MACF1: variants seen among roughly 807,000 people sequenced by gnomAD.
MACF1 encodes microtubule-actin cross-linking factor 1.
In MACF1, 193 loss-of-function variants were observed where a neutral mutation model predicts 854.8. The ratio of observed to expected loss-of-function variants is 0.23; its 90% CI spans 0.20 to 0.25. The LOEUF (loss-of-function observed/expected upper bound fraction) is 0.25. MACF1 is among the 10% of genes least tolerant of loss of function. The probability of loss-of-function intolerance (pLI) is 1.00; values close to 1 mark genes in which losing one functional copy is unlikely to be tolerated. For synonymous variants in MACF1, 3,185 were observed against 3,226.7 expected (o/e 0.99, Z 0.44); for missense variants, 7,722 against 8,929.1 (o/e 0.86, Z 5.45).
intron 44 of MACF1, among the ~76,000 whole-genome samples, chr1:39,356,685 T>C (rs1647604741): frequency 2.0e-5 from 3 of 152,244 alleles, no homozygotes; most frequent in South Asian, 4.1e-4. Context: ...TTACAATTTT[T>C]ATATTGTCAC....
chr1:39,391,368 T>G (rs997296655), intron 58 of MACF1, among the ~76,000 whole-genome samples: 2 of 152,216 alleles, frequency 1.3e-5, no homozygotes, highest in African/African-American at 4.8e-5. Flanking sequence ...ATTGAAGTTA[T>G]TGTTTAGGGC....
At chr1:39,452,424 C>T (rs1485699199) in intron 86 of MACF1, 74 bp downstream of exon 86, 4 of 1,420,950 alleles carry the variant, frequency 2.8e-6, no homozygotes, top group Admixed American at 2.2e-5. Flanking sequence ...TTACTAGAAT[C>T]TGTTCCAGTC....
At position 39,317,476 on chromosome 1, in the gene MACF1, A is replaced by G. The variant is rs1310853316; in HGVS notation, c.3782+69A>G. The G allele has an allele frequency of 2.0e-6, 3 of 1,474,716 alleles. No homozygotes were observed. In the African/African-American group the frequency reaches 4.2e-5, roughly 21 times the overall value. The allele number at this position is 1,474,716 out of a possible 1,614,324, so 91.4% of individuals were successfully genotyped here. ...CTAGGTCTTAAACAAAAACAGAGTTATATCTGTACATTTATATTTAAAGGT... is the reference window on the plus strand; with the variant it reads ...CTAGGTCTTAAACAAAAACAGAGTTGTATCTGTACATTTATATTTAAAGGT... On this transcript the variant is annotated intron_variant, in intron 29 of 100. Coordinates refer to ENST00000564288, the MANE Select transcript of MACF1 (RefSeq NM_001394062.1).
intron 2 of MACF1, among the ~76,000 whole-genome samples, chr1:39,099,218 C>T (rs260975): frequency 0.34 from 52,141 of 152,110 alleles, 9,898 homozygotes; most frequent in East Asian, 0.65. Context: ...TGCAATGGCA[C>T]GATCTAGGCT....
At chr1:39,447,309 A>G in intron 80 of MACF1, 123 bp from the exon 81 acceptor site, 1 of 890,798 alleles carries the variant, frequency 1.1e-6, no homozygotes, top group East Asian at 2.5e-5. Flanking sequence ...CGTTGATTAA[A>G]TGAGGCTTCC....
chr1:39,467,013 T>TC (rs1292239438), intron 95 of MACF1, among the ~76,000 whole-genome samples: 1 of 152,204 alleles, frequency 6.6e-6, no homozygotes, highest in Non-Finnish European at 1.5e-5. Flanking sequence ...ACCTCAGATA[T>TC]CCTTTCTTGC....
chr1:39,475,797 A>G (rs1276848847), intron 97 of MACF1, among the ~76,000 whole-genome samples: 1 of 152,102 alleles, frequency 6.6e-6, no homozygotes, highest in Admixed American at 6.5e-5. Flanking sequence ...CTACTAATAT[A>G]TTTGGAGTTG....
chr1:39,240,964 A>G (rs1644915514), intron 2 of MACF1, among the ~76,000 whole-genome samples: 1 of 152,032 alleles, frequency 6.6e-6, no homozygotes, highest in African/African-American at 2.4e-5. Flanking sequence ...CCCGCTCTCC[A>G]ACAGGGATTC....
At chr1:39,445,212 C>T (rs997016658) in intron 80 of MACF1, among the ~76,000 whole-genome samples, 3 of 152,096 alleles carry the variant, frequency 2.0e-5, no homozygotes, top group Non-Finnish European at 2.9e-5. Flanking sequence ...TGGTTCCTAA[C>T]GTAAATGTAG....
chr1:39,433,196 T>A (rs1260026790), intron 68 of MACF1, 41 bp downstream of exon 68: 24 of 1,250,440 alleles, frequency 1.9e-5, no homozygotes, highest in Non-Finnish European at 2.4e-5. Context: ...TTCCTGTTTT[T>A]ATCATGGTGA....
intron 62 of MACF1, 62 bp downstream of exon 62, chr1:39,427,676 A>G: frequency 6.6e-7 from 1 of 1,516,170 alleles, no homozygotes; most frequent in Non-Finnish European, 9.0e-7. Context: ...AGAAATGAGT[A>G]AACTGCCTGC....
intron 2 of MACF1, among the ~76,000 whole-genome samples, chr1:39,139,614 G>A (rs1017407995): frequency 6.6e-6 from 1 of 151,430 alleles, no homozygotes; most frequent in African/African-American, 2.4e-5. Flanking sequence ...TGCTCATGCT[G>A]TATCCTGTGC....
At chr1:39,455,162 G>A (rs1437133010) in intron 89 of MACF1, 65 bp downstream of exon 89, 2 of 1,510,648 alleles carry the variant, frequency 1.3e-6, no homozygotes, top group Non-Finnish European at 1.8e-6. Context: ...CATCTCTGTT[G>A]CCCTGTGTAT....
At chr1:39,446,740 G>A (rs74972679) in intron 80 of MACF1, among the ~76,000 whole-genome samples, 1,994 of 148,068 alleles carry the variant, frequency 0.013, 22 homozygotes, top group Non-Finnish European at 0.021. Flanking sequence ...TCTGAGGATG[G>A]AGCTTATGAA....
chr1:39,270,972 G>A (rs1296632756), intron 6 of MACF1, among the ~76,000 whole-genome samples: 1 of 152,152 alleles, frequency 6.6e-6, no homozygotes, highest in East Asian at 1.9e-4. Context: ...TGAAGAAAAA[G>A]TGGCCATTGA....
intron 2 of MACF1, among the ~76,000 whole-genome samples, chr1:39,121,308 C>A (rs929738393): frequency 1.3e-5 from 2 of 152,060 alleles, no homozygotes; most frequent in African/African-American, 4.8e-5. Context: ...AATCACAGTT[C>A]CTTTATGTGA....
chr1:39,439,806 A>G (rs1294312438), intron 72 of MACF1, among the ~76,000 whole-genome samples: 2 of 152,036 alleles, frequency 1.3e-5, no homozygotes, highest in African/African-American at 2.4e-5. Context: ...GGGTTTCCCC[A>G]TGTTGACCAG....
intron 6 of MACF1, among the ~76,000 whole-genome samples, chr1:39,261,956 CAGTA>C (rs1645168322): frequency 6.6e-6 from 1 of 152,112 alleles, no homozygotes; most frequent in African/African-American, 2.4e-5. Flanking sequence ...ACATCCTCAC[CAGTA>C]TTTATTGTCT....
Position 39,434,472 on chromosome 1 carries a change from G to A in MACF1, c.17624G>A (p.Arg5875His), listed in dbSNP as rs529030117. 8.1e-6 allele frequency: 13 copies of A among 1,611,742 alleles called. No individual in the cohort carries two copies. The highest frequency in any genetic ancestry group is 4.5e-5 in the East Asian group (2 of 44,788). ...YEAISLLNSE[R>H]YARLERAQVL... ...GCCATTAGCCTACTCAATTCAGAGC[G>A]TTATGCCCGCCTAGAGCGGGCCCAG... The change falls in exon 69 of 101, where the codon CGT (arginine) becomes CAT (histidine). Residue 5875 changes from arginine (R) to histidine (H), a missense_variant. By Grantham distance (29) the Arg-to-His change is conservative. Around this residue, in one of 15 missense-constraint regions of MACF1, gnomAD observed 2,807 missense variants for 3,235.8 expected, o/e 0.87. Transcript: ENST00000564288.
Sources: gnomAD v4.1 joint callset for allele counts (sites outside exome capture counted in the v4.1 genomes callset) on GRCh38, gnomAD v4.1.1 for gene constraint, gnomAD v4.1.1 regional missense constraint, MANE v1.5 for transcripts, NCBI Gene and HGNC (gene_info 2026-07-23, HGNC 2026-07-21) for gene names.